The following PIP4K2A variants were observed in gnomAD, a reference collection of about 807,000 sequenced individuals.
PIP4K2A encodes the protein phosphatidylinositol-5-phosphate 4-kinase type 2 alpha.
A neutral mutation model predicts 42.9 loss-of-function variants in PIP4K2A; 14 were observed. That is an observed-to-expected ratio of 0.33 (90% CI 0.22 to 0.51). The LOEUF is 0.51. Among genes scored for constraint, PIP4K2A ranks in the 20% least tolerant of loss-of-function variants. The pLI, the probability that PIP4K2A is intolerant of heterozygous loss-of-function variation, is 0.97. For missense variants in PIP4K2A, 434 were observed against 519.8 expected, an observed-to-expected ratio of 0.83 and a Z score of 1.61; for synonymous variants, 192 against 192.2, an observed-to-expected ratio of 1.00 and a Z score of 0.01.
chr10:22,537,158 C>A lies in PIP4K2A; in HGVS notation c.*43G>T, dbSNP rs1835955627. Reference sequence around the variant, plus strand: ...CATTTTTCCTACACCGAAGCCACCTCTGTCCATCCAATGTTCATGTCTGTC... The same window carrying A: ...CATTTTTCCTACACCGAAGCCACCTATGTCCATCCAATGTTCATGTCTGTC... On this transcript the variant is annotated 3_prime_UTR_variant, in exon 10 of 10. Transcript: ENST00000376573. The A allele has an allele frequency of 3.4e-6, 5 of 1,481,136 alleles. No individual in the cohort carries two copies. The highest frequency in any genetic ancestry group is 4.7e-6 in the Non-Finnish European group (5 of 1,073,392). The allele number at this position is 1,481,136 out of a possible 1,614,324, so 91.7% of individuals were successfully genotyped here.
At chr10:22,665,253 G>C (rs990046593) in intron 1 of PIP4K2A, among the ~76,000 whole-genome samples, 2 of 152,184 alleles carry the variant, frequency 1.3e-5, no homozygotes, top group African/African-American at 2.4e-5. Context: ...AAAGCAACAA[G>C]AGAAATGCTT....
intron 4 of PIP4K2A, 105 bp from the exon 5 acceptor site, chr10:22,573,562 C>T: frequency 1.1e-6 from 1 of 907,238 alleles, no homozygotes; most frequent in Non-Finnish European, 1.6e-6. Flanking sequence ...TGAAAACCTC[C>T]AGCCATTAGG....
chr10:22,644,040 A>G (rs1838831899), intron 1 of PIP4K2A, among the ~76,000 whole-genome samples: 1 of 152,058 alleles, frequency 6.6e-6, no homozygotes, highest in South Asian at 2.1e-4. Context: ...GCTAATCACC[A>G]TCCCCAGCTG....
At chr10:22,605,129 TGAG>T (rs558635669) in intron 3 of PIP4K2A, among the ~76,000 whole-genome samples, 442 of 152,088 alleles carry the variant, frequency 2.9e-3, no homozygotes, top group Middle Eastern at 6.8e-3. Context: ...AATATACGAC[TGAG>T]GAGGGAAGAA....
At chr10:22,537,389 A>C (rs1835962210) in intron 9 of PIP4K2A, 108 bp from the exon 10 acceptor site, 1 of 813,554 alleles carries the variant, frequency 1.2e-6, no homozygotes. Flanking sequence ...TACAGCAAGC[A>C]ATTTTCAAAT....
chr10:22,554,814 C>A (rs1836494671), intron 6 of PIP4K2A, among the ~76,000 whole-genome samples: 1 of 152,230 alleles, frequency 6.6e-6, no homozygotes, highest in Non-Finnish European at 1.5e-5. Context: ...CCCCGTCCTC[C>A]TCTGTGCGTC....
chr10:22,596,698 T>C (rs1837643066), intron 3 of PIP4K2A, among the ~76,000 whole-genome samples: 1 of 152,232 alleles, frequency 6.6e-6, no homozygotes. Flanking sequence ...CATGTATAAA[T>C]AAACCTCAAA....
intron 6 of PIP4K2A, among the ~76,000 whole-genome samples, chr10:22,554,976 G>A (rs961055991): frequency 6.6e-6 from 1 of 152,208 alleles, no homozygotes; most frequent in Non-Finnish European, 1.5e-5. Context: ...GTAATCTGCT[G>A]CGGTGGGTTG....
chr10:22,694,730 A>G (rs1839936808), intron 1 of PIP4K2A: 1 of 152,212 alleles, frequency 6.6e-6, no homozygotes, highest in South Asian at 2.1e-4. Context: ...CTGTACAGAA[A>G]GTATTTTGAA....
chr10:22,702,298 T>C (rs1010723758), intron 1 of PIP4K2A, among the ~76,000 whole-genome samples: 9 of 152,206 alleles, frequency 5.9e-5, no homozygotes, highest in Admixed American at 1.3e-4. Flanking sequence ...ATCCCTATTC[T>C]TACAATGTTT....
intron 1 of PIP4K2A, among the ~76,000 whole-genome samples, chr10:22,640,895 G>C (rs910604343): frequency 3.9e-5 from 6 of 152,210 alleles, no homozygotes; most frequent in Middle Eastern, 3.4e-3. Flanking sequence ...ATGAGACCTA[G>C]TGGGAAAATA....
At chr10:22,580,956 C>G (rs991390909) in intron 4 of PIP4K2A, among the ~76,000 whole-genome samples, 2 of 152,192 alleles carry the variant, frequency 1.3e-5, no homozygotes, top group African/African-American at 4.8e-5. Context: ...CAACTCCTGT[C>G]TGCAGACACT....
chr10:22,569,246 C>T lies in PIP4K2A; in HGVS notation c.640-1357G>A, dbSNP rs115507621. The stretch of plus-strand genomic sequence containing the variant: ...TCTTCCATCCCCCTGGTGCTCAGTG[C>T]CCCCAGGACTGGAAGATCCGAGGGA... On this transcript the variant is annotated intron_variant, in intron 5 of 9. Coordinates refer to ENST00000376573, the MANE Select transcript of PIP4K2A (RefSeq NM_005028.5). Among the ~76,000 whole-genome samples, 864 of 152,300 alleles carry T rather than the reference C, an allele frequency of 5.7e-3. 7 individuals carry two copies. Among genetic ancestry groups the T allele is most frequent in the African/African-American group, 0.02 (817 of 41,562 alleles).
At position 22,610,573 on chromosome 10, in the gene PIP4K2A, A is replaced by G. The variant is rs12261831; in HGVS notation, c.145-856T>C. ...AAACAACAAAAGAATGAGCTGCTTG[A>G]TAGAGCTATTTGTTTTTTTTAATCA... On this transcript the variant is annotated intron_variant, in intron 1 of 9. Transcript: ENST00000376573. Among the ~76,000 whole-genome samples the G allele has an allele frequency of 3.8e-3, 586 of 152,356 alleles. 3 individuals carry two copies. The highest frequency in any genetic ancestry group is 0.014 in the African/African-American group (567 of 41,574).
chr10:22,572,500 C>A (rs531344508), intron 5 of PIP4K2A, among the ~76,000 whole-genome samples: 1 of 152,142 alleles, frequency 6.6e-6, no homozygotes, highest in Non-Finnish European at 1.5e-5. Flanking sequence ...TGCCTGTGGT[C>A]CCAGCTACGT....
At position 22,587,590 on chromosome 10, in the gene PIP4K2A, G is replaced by A. The variant is rs111914224; in HGVS notation, c.492+4039C>T. 2.4e-3 allele frequency among the ~76,000 whole-genome samples: 362 copies of A among 152,244 alleles called. 2 individuals carry two copies. The highest frequency in any genetic ancestry group is 8.3e-3 in the African/African-American group (344 of 41,510). On this transcript the variant is annotated intron_variant, in intron 4 of 9. Coordinates refer to ENST00000376573, the MANE Select transcript of PIP4K2A (RefSeq NM_005028.5). ...CCACAGGGATAGAAACACAAAGCTT[G>A]ACAGGCCTCCCTGGGTTTACCAATG...
At position 22,536,299 on chromosome 10, in the gene PIP4K2A, A is replaced by G; in HGVS notation, c.*902T>C. 2.5e-6 allele frequency: 1 copy of G among 394,938 alleles called. No individual in the cohort carries two copies. Among genetic ancestry groups the G allele is most frequent in the Non-Finnish European group, 4.5e-6 (1 of 224,174 alleles). 24.5% of individuals were successfully genotyped at this position (394,938 alleles called of 1,614,324 possible). A position where few individuals can be genotyped will look rare whatever the true frequency, so the allele number is the denominator to read the frequency against. ...CCCCAAACTATGCACTTTTCAGGTA[A>G]GCTTTACTTTTATTTTGTAGCATTA... On this transcript the variant is annotated 3_prime_UTR_variant, in exon 10 of 10. Transcript: ENST00000376573.
rs185197328 is a variant in PIP4K2A, at chr10:22,691,370, G to A, written c.144+22813C>T. 6.2e-4 allele frequency among the ~76,000 whole-genome samples: 95 copies of A among 152,198 alleles called. 1 individual carries two copies. The highest frequency in any genetic ancestry group is 2.2e-3 in the African/African-American group (90 of 41,538). ...AGACCTATACATGACAGAGCCCTAT[G>A]TTTATTCTGACTCTTGCCCCTTCTC... On this transcript the variant is annotated intron_variant, in intron 1 of 9. Coordinates refer to ENST00000376573, the MANE Select transcript of PIP4K2A (RefSeq NM_005028.5).
intron 1 of PIP4K2A, among the ~76,000 whole-genome samples, chr10:22,634,030 T>G (rs1399954609): frequency 6.6e-6 from 1 of 152,198 alleles, no homozygotes; most frequent in African/African-American, 2.4e-5. Flanking sequence ...TTGCTGACTT[T>G]TATTGAAAAC....
Sources: gnomAD v4.1 joint callset for allele counts (sites outside exome capture counted in the v4.1 genomes callset) on GRCh38, gnomAD v4.1.1 for gene constraint, MANE v1.5 for transcripts, NCBI Gene and HGNC (gene_info 2026-07-23, HGNC 2026-07-21) for gene names.